CCDC172: variants seen among roughly 807,000 people sequenced by gnomAD.
The protein encoded by CCDC172 is coiled-coil domain-containing protein 172.
In CCDC172, 30 loss-of-function variants were observed where a neutral mutation model predicts 38.0. That is an observed-to-expected ratio of 0.79 (90% confidence interval 0.59 to 1.07). CCDC172 has a LOEUF of 1.07. CCDC172 is among the 50% of genes least tolerant of loss of function. The pLI is 0.00. For missense variants in CCDC172, 297 were observed against 290.1 expected, an observed-to-expected ratio of 1.02 and a Z score of -0.17; for synonymous variants, 78 against 88.3, an observed-to-expected ratio of 0.88 and a Z score of 0.66.
chr10:116,336,644 A>G (rs1844737477), intron 3 of CCDC172, among the ~76,000 whole-genome samples: 1 of 151,870 alleles, frequency 6.6e-6, no homozygotes, highest in Non-Finnish European at 1.5e-5. Context: ...CCCAATTGTT[A>G]TGGTTTTAGG....
chr10:116,328,742 C>T (rs1844621490), intron 3 of CCDC172, among the ~76,000 whole-genome samples: 1 of 151,880 alleles, frequency 6.6e-6, no homozygotes, highest in Middle Eastern at 3.4e-3. Context: ...ACTTCTTTAC[C>T]TCAATATGTA....
chr10:116,336,005 A>G (rs748473524), intron 3 of CCDC172, among the ~76,000 whole-genome samples: 1 of 151,956 alleles, frequency 6.6e-6, no homozygotes, highest in Non-Finnish European at 1.5e-5. Flanking sequence ...TGTCTCTACT[A>G]AAAATACAAA....
At position 116,357,409 on chromosome 10, in the gene CCDC172, C is replaced by A; in HGVS notation, c.478C>A (p.Gln160Lys). The A allele has an allele frequency of 1.3e-6, 2 of 1,574,760 alleles. No homozygotes were observed. Among genetic ancestry groups the A allele is most frequent in the Non-Finnish European group, 1.7e-6 (2 of 1,164,002 alleles). ...EMKSMEHDSS[Q>K]LNELQKQKSE... is the part of the protein sequence containing the mutation. ...GAAGTCAATGGAACATGATAGTAGC[C>A]AGTTAAATGAACTTCAAAAACAAAA... The change falls in exon 6 of 9, where the codon CAG becomes AAG. Residue 160 changes from glutamine to lysine, a missense_variant. Transcript: ENST00000333254.
chr10:116,356,388 G>GAGGAAGGAAGGA lies in CCDC172; in HGVS notation c.449-978_449-967dup, dbSNP rs542807297. Among the ~76,000 whole-genome samples the GAGGAAGGAAGGA allele has an allele frequency of 8.6e-3, 1,243 of 144,150 alleles. 9 individuals are homozygous for GAGGAAGGAAGGA. Among genetic ancestry groups the GAGGAAGGAAGGA allele is most frequent in the East Asian group, 0.012 (56 of 4,498 alleles). 94.6% of individuals were successfully genotyped at this position (144,150 alleles called of 152,430 possible). Reference sequence around the variant, plus strand: ...GAGGAGGAAGAAGAGGGGAGGGAGGGAGGAAGGAAGGAAGGAAGGAAGGAA... The same window carrying GAGGAAGGAAGGA: ...GAGGAGGAAGAAGAGGGGAGGGAGGGAGGAAGGAAGGAAGGAAGGAAGGAAGGAAGGAAGGAA... On this transcript the variant is annotated intron_variant, in intron 5 of 8. Coordinates refer to ENST00000333254, the MANE Select transcript of CCDC172 (RefSeq NM_198515.3).
At chr10:116,367,920 A>G (rs1056638237) in intron 7 of CCDC172, among the ~76,000 whole-genome samples, 8 of 151,828 alleles carry the variant, frequency 5.3e-5, no homozygotes, top group African/African-American at 1.9e-4. Flanking sequence ...TTCAAGAACA[A>G]TTCCTCTCCT....
intron 5 of CCDC172, among the ~76,000 whole-genome samples, chr10:116,343,833 G>A (rs1194179260): frequency 1.1e-4 from 16 of 152,108 alleles, no homozygotes; most frequent in Non-Finnish European, 1.5e-5. Context: ...CCTATACTTT[G>A]ACTGAATGGT....
At chr10:116,341,932 A>G (rs1182653225) in intron 4 of CCDC172, 104 bp from the exon 5 acceptor site, 2 of 814,738 alleles carry the variant, frequency 2.5e-6, no homozygotes, top group Non-Finnish European at 3.3e-6. Flanking sequence ...GTGTAACTAT[A>G]TACTTTCATT....
chr10:116,349,922 G>A (rs1185013168), intron 5 of CCDC172, among the ~76,000 whole-genome samples: 1 of 152,114 alleles, frequency 6.6e-6, no homozygotes, highest in Non-Finnish European at 1.5e-5. Flanking sequence ...TTAATAAGGC[G>A]AGTTTTGAAT....
chr10:116,337,007 A>C (rs897334046), intron 3 of CCDC172, among the ~76,000 whole-genome samples: 1 of 152,200 alleles, frequency 6.6e-6, no homozygotes, highest in Non-Finnish European at 1.5e-5. Flanking sequence ...TTAAAAAATC[A>C]AATATCCCAA....
At chr10:116,324,667 A>G (rs139383772) in intron 1 of CCDC172, 54 bp downstream of exon 1, 51 of 232,498 alleles carry the variant, frequency 2.2e-4, no homozygotes, top group African/African-American at 1.1e-3. Context: ...CCAGGGAGGG[A>G]CGGAGGCCTG....
Position 116,378,428 on chromosome 10 carries a change from A to G in CCDC172, c.659A>G (p.Lys220Arg). ...GAAATTTTCTTTTAAAATAGACTTAAAAAAGAATTAGAACTTTATAAGGAA... is the reference window on the plus strand; with the variant it reads ...GAAATTTTCTTTTAAAATAGACTTAGAAAAGAATTAGAACTTTATAAGGAA... Reference protein sequence around the residue: ...PQNDTECLRLKKELELYKEDD... With the variant: ...PQNDTECLRLRKELELYKEDD... The change falls in exon 8 of 9, where the codon AAA (lysine) becomes AGA (arginine). Residue 220 changes from lysine (K) to arginine (R), a missense_variant. Lys to Arg is a conservative substitution (Grantham distance 26). Coordinates refer to ENST00000333254, the MANE Select transcript of CCDC172 (RefSeq NM_198515.3). The G allele has an allele frequency of 3.1e-6, 5 of 1,588,380 alleles. No homozygotes were observed. Among genetic ancestry groups the G allele is most frequent in the Non-Finnish European group, 4.3e-6 (5 of 1,170,048 alleles).
intron 7 of CCDC172, among the ~76,000 whole-genome samples, chr10:116,360,206 AT>A (rs1845046377): frequency 6.6e-6 from 1 of 152,222 alleles, no homozygotes; most frequent in Non-Finnish European, 1.5e-5. Context: ...GAGGTATGTA[AT>A]TATGACTGAT....
intron 5 of CCDC172, among the ~76,000 whole-genome samples, chr10:116,353,537 A>T (rs1276474645): frequency 6.6e-6 from 1 of 152,164 alleles, no homozygotes; most frequent in Non-Finnish European, 1.5e-5. Context: ...TAATAAAAAG[A>T]TAACCCAATT....
intron 3 of CCDC172, among the ~76,000 whole-genome samples, chr10:116,326,580 C>T (rs537402590): frequency 6.6e-5 from 10 of 152,236 alleles, no homozygotes; most frequent in African/African-American, 1.9e-4. Context: ...TCAAACATCA[C>T]CAATAAAGCC....
At chr10:116,357,233 A>G (rs543879722) in intron 5 of CCDC172, 147 bp from the exon 6 acceptor site, 3 of 538,648 alleles carry the variant, frequency 5.6e-6, no homozygotes, top group South Asian at 5.2e-5. Context: ...CTTCCAATCC[A>G]TAGACATGGA....
intron 7 of CCDC172, among the ~76,000 whole-genome samples, chr10:116,376,347 T>A (rs1158936902): frequency 6.6e-6 from 1 of 152,168 alleles, no homozygotes; most frequent in African/African-American, 2.4e-5. Flanking sequence ...TTGCTTAGGT[T>A]TGGGAGAGCA....
intron 5 of CCDC172, among the ~76,000 whole-genome samples, chr10:116,347,857 C>T (rs1668741988): frequency 6.6e-6 from 1 of 152,118 alleles, no homozygotes; most frequent in African/African-American, 2.4e-5. Flanking sequence ...CTCCCTCCCA[C>T]TACATCTCCT....
At chr10:116,332,758 A>G (rs1380697557) in intron 3 of CCDC172, among the ~76,000 whole-genome samples, 1 of 151,988 alleles carries the variant, frequency 6.6e-6, no homozygotes, top group Non-Finnish European at 1.5e-5. Context: ...TTCTGGAACA[A>G]GGGTGAGCCT....
At chr10:116,341,382 T>C (rs1011228188) in intron 4 of CCDC172, among the ~76,000 whole-genome samples, 5 of 152,082 alleles carry the variant, frequency 3.3e-5, no homozygotes, top group Non-Finnish European at 5.9e-5. Context: ...ACGTGGCCAG[T>C]TTGAAAATGA....
Sources: gnomAD v4.1 joint callset for allele counts (sites outside exome capture counted in the v4.1 genomes callset) on GRCh38, gnomAD v4.1.1 for gene constraint, MANE v1.5 for transcripts, NCBI Gene and HGNC (gene_info 2026-07-23, HGNC 2026-07-21) for gene names.